The following VPS52 variants were observed in gnomAD, a reference collection of about 807,000 sequenced individuals.
VPS52 encodes the protein VPS52 subunit of GARP complex.
Under a neutral mutation model 98.7 loss-of-function variants are expected in VPS52, and 56 were observed. That is an observed-to-expected ratio of 0.57 (90% CI 0.46 to 0.71). The LOEUF is 0.71. Among genes scored for constraint, VPS52 ranks in the 30% least tolerant of loss-of-function variants. The probability of loss-of-function intolerance (pLI) is 0.00; values close to 1 mark genes in which losing one functional copy is unlikely to be tolerated. For missense variants in VPS52, 742 were observed against 925.9 expected (o/e 0.80, Z 2.58); for synonymous variants, 348 against 346.4 (o/e 1.00, Z -0.05).
At chr6:33,269,686 C>G in intron 4 of VPS52, 58 bp downstream of exon 4, 1 of 1,586,306 alleles carries the variant, frequency 6.3e-7, no homozygotes, top group Non-Finnish European at 8.6e-7. Context: ...ACATCTGTAC[C>G]ACACGCCACA....
In VPS52 at chr6:33,264,847, G is replaced by A. The variant is rs1450726468; in HGVS notation, c.1335C>T (p.Leu445=). ...ADCYDAIAVF[L]CIHIVLRFRN... is the part of the protein sequence containing the mutation. ...GGAACCGGAGAACAATGTGGATACA[G>A]AGAAAAACAGCAATGGCATCGTAGC... Residue 445 remains leucine (L), a synonymous_variant, in exon 13 of 20, where the codon CTC becomes CTT. Coordinates refer to ENST00000445902, the MANE Select transcript of VPS52 (RefSeq NM_022553.6). The A allele has an allele frequency of 6.2e-7, 1 of 1,613,088 alleles. No homozygotes were observed. Among genetic ancestry groups the A allele is most frequent in the African/African-American group, 1.3e-5 (1 of 75,022 alleles).
chr6:33,251,214 C>A (rs1762190675), intron 19 of VPS52, among the ~76,000 whole-genome samples: 1 of 151,990 alleles, frequency 6.6e-6, no homozygotes, highest in African/African-American at 2.4e-5. Flanking sequence ...TGGTGGCAGG[C>A]ACCTGTAATC....
chr6:33,250,898 C>T lies in VPS52; in HGVS notation c.2115G>A (p.Glu705=). The change falls in exon 20 of 20, where the codon GAG becomes GAA. Residue 705 remains glutamate (E), a synonymous_variant. Coordinates refer to ENST00000445902, the MANE Select transcript of VPS52 (RefSeq NM_022553.6). ...PQLRALPARA[E]LINIHHLMVE... Reference sequence around the variant, plus strand: ...CCATAAGGTGGTGAATGTTGATGAGCTCAGCCCGGGCAGGGAGGGCTCGGA... The same window carrying T: ...CCATAAGGTGGTGAATGTTGATGAGTTCAGCCCGGGCAGGGAGGGCTCGGA... 1 of 1,613,080 alleles carries T rather than the reference C, an allele frequency of 6.2e-7. No homozygotes were observed. Among genetic ancestry groups the T allele is most frequent in the East Asian group, 2.2e-5 (1 of 44,892 alleles).
In VPS52 at chr6:33,270,313, G is replaced by A. The variant is rs763269590; in HGVS notation, c.91-30C>T. On this transcript the variant is annotated intron_variant, in intron 1 of 19. Transcript: ENST00000445902. ...AAAGGGATAAGTTAATGGGAGTAGG[G>A]TACGGTGAAAGACAGAAAGAAAAAA... 44 of 1,582,032 alleles carry A rather than the reference G, an allele frequency of 2.8e-5. No individual in the cohort carries two copies. In the South Asian group the frequency reaches 2.8e-4, roughly 10 times the overall value.
chr6:33,264,076 AG>A lies in VPS52; in HGVS notation c.1551del (p.Ser518ProfsTer47). ...GTCTGGTTGATACTGACAAGAGCGG[AG>A]GAGAACTCTGCATAGCGGCGTGTGA... ...HYITRRYAEF[S>X]SALVSINQTI... On this transcript the variant is annotated frameshift_variant, in exon 15 of 20. Coordinates refer to ENST00000445902, the MANE Select transcript of VPS52 (RefSeq NM_022553.6). LOFTEE classifies it high-confidence loss of function. The A allele has an allele frequency of 6.2e-7, 1 of 1,614,206 alleles. No individual in the cohort carries two copies. Among genetic ancestry groups the A allele is most frequent in the Non-Finnish European group, 8.5e-7 (1 of 1,180,042 alleles).
In VPS52 at chr6:33,263,254, A is replaced by G. The variant is rs367572078; in HGVS notation, c.1794+230T>C. Among the ~76,000 whole-genome samples the G allele has an allele frequency of 3.7e-5, 5 of 136,154 alleles. No individual in the cohort carries two copies. The East Asian group carries it at 1.0e-3, about 28-fold the overall frequency. The allele number at this position is 136,154 out of a possible 152,430, so 89.3% of individuals were successfully genotyped here. On this transcript the variant is annotated intron_variant, in intron 17 of 19. Coordinates refer to ENST00000445902, the MANE Select transcript of VPS52 (RefSeq NM_022553.6). The stretch of plus-strand genomic sequence containing the variant: ...ACTCCAGCCTGGGTGACAGAGTGAC[A>G]CTTTGCCTCAAAAAAAAAAAAAAAA...
chr6:33,251,049 A>G, intron 19 of VPS52, 62 bp from the exon 20 acceptor site: 1 of 1,610,892 alleles, frequency 6.2e-7, no homozygotes, highest in Non-Finnish European at 8.5e-7. Flanking sequence ...GATGATTAAG[A>G]ATCAGGTTAG....
At chr6:33,269,325 G>A in intron 5 of VPS52, 136 bp from the exon 6 acceptor site, 2 of 1,418,252 alleles carry the variant, frequency 1.4e-6, no homozygotes, top group Non-Finnish European at 2.0e-6. Context: ...CAGATTATCA[G>A]GAAATAACAT....
chr6:33,266,624 A>G lies in VPS52; in HGVS notation c.1214T>C (p.Val405Ala). Residue 405 changes from valine to alanine, a missense_variant, in exon 12 of 20, where the codon GTT becomes GCT. Val to Ala is a moderately conservative substitution (Grantham distance 64). This residue lies in a region of VPS52 where 590 missense variants were observed against 793.3 expected (regional missense o/e 0.74). Transcript: ENST00000445902. ...GTCGTGTGCAGCTGGGCCAGACACA[A>G]CAAAAAATTCACAGATGAAAAGGTA... ...REYLFICEFF[V>A]VSGPAAHDLF... 6.2e-7 allele frequency: 1 copy of G among 1,613,018 alleles called. No homozygotes were observed. The highest frequency in any genetic ancestry group is 2.2e-5 in the East Asian group (1 of 44,876).
rs878982754 is a variant in VPS52 at position 33,263,384 on chromosome 6, T to TACACACACAC, written c.1794+90_1794+99dup. On this transcript the variant is annotated intron_variant, in intron 17 of 19. Coordinates refer to ENST00000445902, the MANE Select transcript of VPS52 (RefSeq NM_022553.6). ...ACCTGAGATCCATTATGCCACTCCC[T>TACACACACAC]ACACACACACACACACACACACACA... 2.5e-3 allele frequency: 1,406 copies of TACACACACAC among 568,442 alleles called. 6 individuals carry two copies. The highest frequency in any genetic ancestry group is 0.021 in the African/African-American group (835 of 40,078). 35.2% of individuals were successfully genotyped at this position (568,442 alleles called of 1,614,324 possible). A position where few individuals can be genotyped will look rare whatever the true frequency, so the allele number is the denominator to read the frequency against.
Position 33,267,263 on chromosome 6 carries a change from G to T in VPS52, c.1050C>A (p.Arg350=). 6.2e-7 allele frequency: 1 copy of T among 1,605,350 alleles called. No individual in the cohort carries two copies. The highest frequency in any genetic ancestry group is 8.5e-7 in the Non-Finnish European group (1 of 1,176,286). Residue 350 remains arginine (R), a synonymous_variant, in exon 11 of 20, where the codon CGC becomes CGA. Transcript: ENST00000445902. The surrounding 1 kb of genome is among the most constrained non-coding windows in gnomAD (Gnocchi z 4.2). ...GTTCAGTGGGGGAGATGACAGAGCC[G>T]CGGGTTCCTAGGGTGAAAATGGTGT... ...SRNTIFTLGT[R]GSVISPTELE...
In VPS52 at chr6:33,269,580, G is replaced by C. The variant is rs114972240; in HGVS notation, c.305-23C>G. ...TATCTGATCCACAAAAAGTCAAGGG[G>C]CCTCATGGTGAAGATGGGAGATCCT... On this transcript the variant is annotated intron_variant, in intron 4 of 19. Coordinates refer to ENST00000445902, the MANE Select transcript of VPS52 (RefSeq NM_022553.6). 9.5e-3 allele frequency: 15,291 copies of C among 1,602,682 alleles called. 125 individuals carry two copies. The highest frequency in any genetic ancestry group is 0.028 in the Middle Eastern group (169 of 5,986).
At position 33,264,425 on chromosome 6, in the gene VPS52, G is replaced by A; in HGVS notation, c.1473C>T (p.Val491=). 1 of 1,614,168 alleles carries A rather than the reference G, an allele frequency of 6.2e-7. No homozygotes were observed. ...ELILEMNVQS[V]RSTDPQRLGG... ...CTAGGCGCTGGGGGTCAGTGCTTCG[G>A]ACGCTCTGAACATTCATCTCCAGGA... Residue 491 remains valine (V), a synonymous_variant, in exon 14 of 20, where the codon GTC becomes GTT. Coordinates refer to ENST00000445902, the MANE Select transcript of VPS52 (RefSeq NM_022553.6).
In VPS52 at chr6:33,269,985, G is replaced by C. The variant is rs754278574; in HGVS notation, c.228+14C>G. On this transcript the variant is annotated intron_variant, in intron 3 of 19. Transcript: ENST00000445902. ...ATAGATAGAAGGGCAGATTAGTACA[G>C]GGGAAAGCCTCACCGTTTTAAGAGC... 9 of 1,614,130 alleles carry C rather than the reference G, an allele frequency of 5.6e-6. No individual in the cohort carries two copies. In the South Asian group the frequency reaches 9.9e-5, roughly 18 times the overall value.
chr6:33,271,056 G>C (rs919639996), intron 1 of VPS52: 3 of 234,934 alleles, frequency 1.3e-5, no homozygotes, highest in African/African-American at 4.6e-5. Flanking sequence ...AAGACCCTCA[G>C]ACTCCTGCCA....
rs777557479 is a variant in VPS52, at chr6:33,264,912, G to A, written c.1282-12C>T. The A allele has an allele frequency of 1.9e-6, 3 of 1,594,228 alleles. No individual in the cohort carries two copies. The highest frequency in any genetic ancestry group is 2.6e-6 in the Non-Finnish European group (3 of 1,162,970). On this transcript the variant is annotated splice_polypyrimidine_tract_variant and intron_variant, in intron 12 of 19. Transcript: ENST00000445902. ...GAATCCAGGTGTTTCTGTGTGATTGGGGAACAAACAGAGGATTAAAAGAGA... is the reference window on the plus strand; with the variant it reads ...GAATCCAGGTGTTTCTGTGTGATTGAGGAACAAACAGAGGATTAAAAGAGA...
chr6:33,268,090 C>G lies in VPS52; in HGVS notation c.800+18G>C. The G allele has an allele frequency of 1.2e-6, 2 of 1,613,066 alleles. No homozygotes were observed. Among genetic ancestry groups the G allele is most frequent in the Non-Finnish European group, 1.7e-6 (2 of 1,179,992 alleles). ...AAAAACTCAAAGGCCATCCCATGCA[C>G]TTCCTTGGGGTTGTGACCTGTACTT... On this transcript the variant is annotated intron_variant, in intron 8 of 19. Transcript: ENST00000445902. This position sits in a 1 kb window ranked among gnomAD's most constrained non-coding sequence, Gnocchi z 4.0.
chr6:33,259,595 T>C (rs188110767), intron 17 of VPS52, among the ~76,000 whole-genome samples: 14 of 152,110 alleles, frequency 9.2e-5, no homozygotes, highest in Admixed American at 3.9e-4. Context: ...AATCCGGAAG[T>C]TTTTGAGTAT....
chr6:33,269,145 G>A lies in VPS52; in HGVS notation c.417C>T (p.Ser139=). ...GCAGTGTCCGGATCTCAGAGCTGATGGAGCTGAGGTCACTCTGAAAAGCTC... is the reference window on the plus strand; with the variant it reads ...GCAGTGTCCGGATCTCAGAGCTGATAGAGCTGAGGTCACTCTGAAAAGCTC... ...MLGAFQSDLS[S]ISSEIRTLQE... is the part of the protein sequence containing the mutation. The change falls in exon 6 of 20, where the codon TCC becomes TCT. Residue 139 remains serine (S), a synonymous_variant. Transcript: ENST00000445902. The A allele has an allele frequency of 6.2e-7, 1 of 1,613,016 alleles. No homozygotes were observed. The highest frequency in any genetic ancestry group is 1.7e-5 in the Admixed American group (1 of 60,016).
Sources: allele counts gnomAD v4.1 joint callset (sites outside exome capture counted in the v4.1 genomes callset), GRCh38; gene constraint gnomAD v4.1.1; regional missense constraint gnomAD v4.1.1; non-coding constraint Gnocchi (gnomAD v3.1); transcripts MANE v1.5; gene names NCBI Gene and HGNC (gene_info 2026-07-23, HGNC 2026-07-21).